The following VPS39 variants were observed in gnomAD, a reference collection of about 807,000 sequenced individuals.
VPS39 encodes VPS39 subunit of HOPS complex.
A neutral mutation model predicts 121.0 loss-of-function variants in VPS39; 70 were observed. That is an observed-to-expected ratio of 0.58 (90% confidence interval 0.48 to 0.71). The LOEUF is 0.71. VPS39 is among the 30% of genes least tolerant of loss of function. The pLI is 0.00. For synonymous variants in VPS39, 378 were observed against 398.1 expected (o/e 0.95, Z 0.60); for missense variants, 818 against 1,051.5 (o/e 0.78, Z 3.07).
intron 1 of VPS39, among the ~76,000 whole-genome samples, chr15:42,205,332 G>A (rs1284979268): frequency 6.6e-6 from 1 of 152,118 alleles, no homozygotes; most frequent in Non-Finnish European, 1.5e-5. Flanking sequence ...TGGTGGATGT[G>A]GCAATCTCTT....
chr15:42,184,204 C>T (rs754308327), intron 8 of VPS39: 19 of 192,814 alleles, frequency 9.9e-5, no homozygotes, highest in Non-Finnish European at 1.7e-4. Flanking sequence ...TGGCAGAGGA[C>T]ACAATCAAAA....
intron 21 of VPS39, 151 bp from the exon 22 acceptor site, chr15:42,162,632 A>G: frequency 1.1e-6 from 1 of 894,878 alleles, no homozygotes; most frequent in Non-Finnish European, 1.6e-6. Flanking sequence ...GTAAATTGGT[A>G]AGGTCAAACA....
At chr15:42,186,542 G>C (rs776802856) in intron 7 of VPS39, among the ~76,000 whole-genome samples, 3 of 152,210 alleles carry the variant, frequency 2.0e-5, no homozygotes, top group Non-Finnish European at 2.9e-5. Context: ...GAAGCTAAGA[G>C]ATTTAGATTA....
At chr15:42,164,860 C>T in intron 18 of VPS39, 136 bp downstream of exon 18, 1 of 1,466,980 alleles carries the variant, frequency 6.8e-7, no homozygotes, top group East Asian at 2.4e-5. Context: ...CACTTAGCTC[C>T]CCTGGCTCCT....
chr15:42,196,489 C>T (rs1272558996), intron 2 of VPS39, among the ~76,000 whole-genome samples: 2 of 152,092 alleles, frequency 1.3e-5, no homozygotes, highest in Non-Finnish European at 2.9e-5. Flanking sequence ...CCAACAACCC[C>T]ATCAAAAAGT....
chr15:42,167,247 G>T (rs749670470), intron 13 of VPS39, 147 bp downstream of exon 13: 100 of 1,043,308 alleles, frequency 9.6e-5, no homozygotes, highest in Non-Finnish European at 1.3e-4. Context: ...GAGACTCACA[G>T]ACATCAGGAG....
At chr15:42,170,860 T>G (rs560880801) in intron 11 of VPS39, among the ~76,000 whole-genome samples, 2 of 144,526 alleles carry the variant, frequency 1.4e-5, no homozygotes, top group Admixed American at 7.3e-5. Flanking sequence ...CCTTCCCAAG[T>G]AGCTGGGACT....
rs777819606 is a variant in VPS39, at chr15:42,162,035, C to G, written c.2457G>C (p.Leu819=). The stretch of plus-strand genomic sequence containing the variant: ...AGTTTGGAAGGCCCATACCTACCCT[C>G]AGGAATTCTGCATGGAGAAGGTTCT... ...VLKNLLHAEF[L]RVQEERILHQ... is the part of the protein sequence containing the mutation. The change falls in exon 23 of 25, where the codon CTG becomes CTC. Residue 819 remains leucine (L), a synonymous_variant. Coordinates refer to ENST00000318006, the MANE Select transcript of VPS39 (RefSeq NM_015289.5). 6.2e-7 allele frequency: 1 copy of G among 1,614,204 alleles called. No homozygotes were observed. The highest frequency in any genetic ancestry group is 1.1e-5 in the South Asian group (1 of 91,078).
intron 8 of VPS39, among the ~76,000 whole-genome samples, chr15:42,180,147 T>C (rs1263278120): frequency 6.6e-6 from 1 of 152,184 alleles, no homozygotes; most frequent in Non-Finnish European, 1.5e-5. Flanking sequence ...TATTCTGTTA[T>C]AGCTGCACAA....
At chr15:42,199,821 G>A in intron 2 of VPS39, 75 bp downstream of exon 2, 2 of 1,448,358 alleles carry the variant, frequency 1.4e-6, no homozygotes, top group Non-Finnish European at 1.9e-6. Context: ...TAATGGTCCA[G>A]GAATAACTGA....
intron 8 of VPS39, among the ~76,000 whole-genome samples, chr15:42,181,379 T>C (rs1368676687): frequency 6.6e-6 from 1 of 152,098 alleles, no homozygotes; most frequent in African/African-American, 2.4e-5. Flanking sequence ...GAAAGGAGAA[T>C]GGTGGCTTCA....
intron 21 of VPS39, chr15:42,162,685 G>A: frequency 3.9e-6 from 2 of 511,014 alleles, no homozygotes; most frequent in Non-Finnish European, 6.4e-6. Context: ...TTCCCTGAGA[G>A]AAAAAACCAA....
At chr15:42,199,806 T>G in intron 2 of VPS39, 90 bp downstream of exon 2, 1 of 1,397,738 alleles carries the variant, frequency 7.2e-7, no homozygotes, top group Non-Finnish European at 9.6e-7. Flanking sequence ...CTTCAATCTC[T>G]CTTTTAATGG....
chr15:42,199,867 A>AT lies in VPS39; in HGVS notation c.139+28dup, dbSNP rs373209852. The AT allele has an allele frequency of 2.0e-4, 311 of 1,556,426 alleles. No individual in the cohort carries two copies. The African/African-American group carries it at 3.5e-3, about 17-fold the overall frequency. The stretch of plus-strand genomic sequence containing the variant: ...GTATACTAGCTGACTATTAAAACTT[A>AT]TTTTTTTGCATGAGCAATGTGCACT... On this transcript the variant is annotated intron_variant, in intron 2 of 24. Coordinates refer to ENST00000318006, the MANE Select transcript of VPS39 (RefSeq NM_015289.5).
chr15:42,176,253 A>G (rs962964977), intron 10 of VPS39, among the ~76,000 whole-genome samples: 1 of 152,166 alleles, frequency 6.6e-6, no homozygotes, highest in African/African-American at 2.4e-5. Context: ...AAAATAGACT[A>G]AAGAGTTTCA....
At position 42,162,350 on chromosome 15, in the gene VPS39, G is replaced by C. The variant is rs1180348264; in HGVS notation, c.2307C>G (p.Ser769Arg). The change falls in exon 22 of 25, where the codon AGC becomes AGG. Residue 769 changes from serine (S) to arginine (R), a missense_variant. Transcript: ENST00000318006. ...TCCTGACCTTGGTGGTGTCCAGTTT[G>C]CTGTGGTGTAGCTCGAGGACCTGCA... ...AALQVLELHHSKLDTTKALNL... is the reference protein window; with the variant it reads ...AALQVLELHHRKLDTTKALNL... The C allele has an allele frequency of 2.5e-6, 4 of 1,612,260 alleles. No individual in the cohort carries two copies. In the East Asian group the frequency reaches 6.7e-5, roughly 27 times the overall value.
intron 5 of VPS39, among the ~76,000 whole-genome samples, 186 bp downstream of exon 5, chr15:42,188,928 T>C (rs1226770989): frequency 6.6e-6 from 1 of 152,136 alleles, no homozygotes; most frequent in Non-Finnish European, 1.5e-5. Context: ...ATCGTGCCAC[T>C]ACACTCTAGC....
At chr15:42,165,220 C>A in intron 17 of VPS39, 107 bp from the exon 18 acceptor site, 1 of 1,042,264 alleles carries the variant, frequency 9.6e-7, no homozygotes, top group Non-Finnish European at 1.5e-6. Context: ...CAGATTATCC[C>A]CTAATCGGGC....
At chr15:42,189,854 G>C (rs570539385) in intron 4 of VPS39, among the ~76,000 whole-genome samples, 158 of 118,368 alleles carry the variant, frequency 1.3e-3, no homozygotes, top group African/African-American at 4.9e-3. Context: ...CCAGGCTAGA[G>C]TGCATCAACA....
Sources: gnomAD v4.1 joint callset for allele counts (sites outside exome capture counted in the v4.1 genomes callset) on GRCh38, gnomAD v4.1.1 for gene constraint, MANE v1.5 for transcripts, NCBI Gene and HGNC (gene_info 2026-07-23, HGNC 2026-07-21) for gene names.